Variants in CENPP observed in about 807,000 individuals in gnomAD.
CENPP encodes centromere protein P.
A neutral mutation model predicts 35.6 loss-of-function variants in CENPP; 24 were observed. The observed-to-expected ratio is 0.67, with a 90% CI of 0.49 to 0.95. The LOEUF (loss-of-function observed/expected upper bound fraction) is 0.95, where lower values mean the gene tolerates loss of function less well. CENPP is among the 40% of genes least tolerant of loss of function. The pLI is 0.00. For synonymous variants in CENPP, 120 were observed against 125.5 expected (o/e 0.96, Z 0.29); for missense variants, 332 against 345.3 (o/e 0.96, Z 0.31).
intron 5 of CENPP, among the ~76,000 whole-genome samples, chr9:92,548,946 TGAA>T (rs1849529682): frequency 6.6e-6 from 1 of 152,190 alleles, no homozygotes; most frequent in Admixed American, 6.5e-5. Flanking sequence ...AAGACATTCC[TGAA>T]GAAGAACAAG....
intron 5 of CENPP, among the ~76,000 whole-genome samples, chr9:92,418,404 TA>T (rs1843686946): frequency 6.6e-6 from 1 of 151,604 alleles, no homozygotes; most frequent in African/African-American, 2.4e-5. Flanking sequence ...TTTTTTTTTT[TA>T]AGTCACATAT....
At chr9:92,550,431 G>A (rs533706867) in intron 5 of CENPP, among the ~76,000 whole-genome samples, 11 of 152,198 alleles carry the variant, frequency 7.2e-5, no homozygotes, top group African/African-American at 2.6e-4. Flanking sequence ...GATGCTGGGT[G>A]CTGAAGTCTT....
At chr9:92,531,538 C>CT (rs1306357266) in intron 5 of CENPP, among the ~76,000 whole-genome samples, 1 of 152,034 alleles carries the variant, frequency 6.6e-6, no homozygotes, top group Non-Finnish European at 1.5e-5. Context: ...CCAGATAATT[C>CT]TTTTTTTATG....
At chr9:92,549,814 G>A (rs938484550) in intron 5 of CENPP, among the ~76,000 whole-genome samples, 2 of 152,112 alleles carry the variant, frequency 1.3e-5, no homozygotes, top group Admixed American at 6.5e-5. Context: ...ATAGATGTAC[G>A]TTCTGTCTCT....
intron 4 of CENPP, among the ~76,000 whole-genome samples, chr9:92,351,441 A>G (rs984587364): frequency 1.3e-5 from 2 of 150,330 alleles, no homozygotes; most frequent in African/African-American, 2.4e-5. Flanking sequence ...GAGCACCACT[A>G]CACTCCAGCC....
chr9:92,550,625 A>G (rs1849568372), intron 5 of CENPP, among the ~76,000 whole-genome samples: 2 of 151,892 alleles, frequency 1.3e-5, no homozygotes, highest in African/African-American at 2.4e-5. Context: ...AAGTATTTCT[A>G]GATAGTTATG....
chr9:92,491,693 T>C (rs1361752903), intron 5 of CENPP, among the ~76,000 whole-genome samples: 1 of 152,206 alleles, frequency 6.6e-6, no homozygotes, highest in Non-Finnish European at 1.5e-5. Context: ...TTGGTCCCTT[T>C]TCTGTGTGCC....
At chr9:92,512,261 A>C (rs1167117289) in intron 5 of CENPP, 9 of 486,208 alleles carry the variant, frequency 1.9e-5, no homozygotes, top group Admixed American at 4.0e-5. Context: ...CAAGGACAGA[A>C]TATATATTAT....
chr9:92,592,447 C>T (rs1238507339), intron 5 of CENPP, among the ~76,000 whole-genome samples: 6 of 152,188 alleles, frequency 3.9e-5, no homozygotes, highest in Non-Finnish European at 8.8e-5. Context: ...TGAAGTTCAT[C>T]CACATTACAA....
At chr9:92,590,327 C>T (rs1264031021) in intron 5 of CENPP, among the ~76,000 whole-genome samples, 2 of 152,164 alleles carry the variant, frequency 1.3e-5, no homozygotes, top group Non-Finnish European at 2.9e-5. Flanking sequence ...GCATTCAGCA[C>T]TTATGGCACT....
chr9:92,567,397 G>GATAGATATATAGATAGAT (rs1318149536), intron 5 of CENPP, among the ~76,000 whole-genome samples: 3 of 51,584 alleles, frequency 5.8e-5, no homozygotes, highest in African/African-American at 2.8e-4. Flanking sequence ...TATATATATA[G>GATAGATATATAGATAGAT]ATATATATAT....
intron 5 of CENPP, among the ~76,000 whole-genome samples, chr9:92,431,945 C>T (rs1345240930): frequency 6.6e-6 from 1 of 152,132 alleles, no homozygotes; most frequent in African/African-American, 2.4e-5. Flanking sequence ...TAGATACTAA[C>T]CTCTTGCTAG....
intron 5 of CENPP, among the ~76,000 whole-genome samples, chr9:92,470,059 G>C (rs1386090872): frequency 1.3e-5 from 2 of 152,052 alleles, no homozygotes; most frequent in African/African-American, 4.8e-5. Context: ...GAACTCTTGG[G>C]CTCAAGTGAT....
chr9:92,523,848 G>A (rs1344973230), intron 5 of CENPP, among the ~76,000 whole-genome samples: 1 of 152,160 alleles, frequency 6.6e-6, no homozygotes, highest in East Asian at 1.9e-4. Flanking sequence ...GGAACATAAC[G>A]GCGATAAGAA....
chr9:92,590,668 A>T (rs1850643784), intron 5 of CENPP, among the ~76,000 whole-genome samples: 1 of 152,218 alleles, frequency 6.6e-6, no homozygotes, highest in Non-Finnish European at 1.5e-5. Context: ...AAATAAATCC[A>T]AGAACTGTAC....
At chr9:92,532,015 G>GTTTTTTTTTTTGTTTTTT (rs1848801440) in intron 5 of CENPP, among the ~76,000 whole-genome samples, 2 of 95,724 alleles carry the variant, frequency 2.1e-5, no homozygotes, top group African/African-American at 5.9e-5. Context: ...TTTATTTAAT[G>GTTTTTTTTTTTGTTTTTT]TTTTTTTTTT....
At chr9:92,328,901 A>G (rs956892062) in intron 1 of CENPP, among the ~76,000 whole-genome samples, 3 of 152,256 alleles carry the variant, frequency 2.0e-5, no homozygotes, top group African/African-American at 7.2e-5. Context: ...CGTTCAGCTC[A>G]ATGGCATTAA....
At chr9:92,394,526 C>T (rs907942196) in intron 5 of CENPP, among the ~76,000 whole-genome samples, 3 of 151,562 alleles carry the variant, frequency 2.0e-5, no homozygotes, top group Non-Finnish European at 1.5e-5. Flanking sequence ...GCCGGGATTA[C>T]AGACGTGAGC....
intron 5 of CENPP, among the ~76,000 whole-genome samples, chr9:92,429,054 G>T (rs905815654): frequency 1.3e-5 from 2 of 152,118 alleles, no homozygotes; most frequent in African/African-American, 4.8e-5. Flanking sequence ...TTATTTGTCT[G>T]CTTTCTCCTT....
Sources: gnomAD v4.1 joint callset for allele counts (sites outside exome capture counted in the v4.1 genomes callset) on GRCh38, gnomAD v4.1.1 for gene constraint, MANE v1.5 for transcripts, NCBI Gene and HGNC (gene_info 2026-07-23, HGNC 2026-07-21) for gene names.